The following SLC9A9 variants were observed in gnomAD, a reference collection of about 807,000 sequenced individuals.
The protein encoded by SLC9A9 is solute carrier family 9 member A9.
SLC9A9 carries 62 observed loss-of-function variants against 77.8 expected under a neutral mutation model. That is an observed-to-expected ratio of 0.80 (90% CI 0.65 to 0.98). SLC9A9 has a LOEUF of 0.98. SLC9A9 is among the 50% of genes least tolerant of loss of function. The probability of loss-of-function intolerance (pLI) is 0.00; values close to 1 mark genes in which losing one functional copy is unlikely to be tolerated. For missense variants in SLC9A9, 775 were observed against 774.9 expected (o/e 1.00, Z 0.00); for synonymous variants, 320 against 283.5 (o/e 1.13, Z -1.29).
At chr3:143,582,523 T>C (rs1434409204) in intron 6 of SLC9A9, among the ~76,000 whole-genome samples, 3 of 152,320 alleles carry the variant, frequency 2.0e-5, no homozygotes, top group South Asian at 2.1e-4. Flanking sequence ...GGGGTGTGAC[T>C]GCCCTCAGGG....
chr3:143,355,947 T>G (rs973462625), intron 14 of SLC9A9, among the ~76,000 whole-genome samples: 4 of 152,230 alleles, frequency 2.6e-5, no homozygotes, highest in African/African-American at 7.2e-5. Context: ...TAAAGTGAAG[T>G]TGAAATATGA....
At chr3:143,827,136 G>A (rs939734022) in intron 2 of SLC9A9, among the ~76,000 whole-genome samples, 32 of 152,182 alleles carry the variant, frequency 2.1e-4, no homozygotes, top group African/African-American at 7.7e-4. Flanking sequence ...ATAAAATGCA[G>A]AAATATTTGG....
intron 4 of SLC9A9, among the ~76,000 whole-genome samples, chr3:143,736,493 G>A (rs184354041): frequency 8.7e-4 from 133 of 152,266 alleles, no homozygotes; most frequent in African/African-American, 3.1e-3. Context: ...TTATGCTCTA[G>A]TGAAAGCAGA....
At position 143,676,199 on chromosome 3, in the gene SLC9A9, C is replaced by T. The variant is rs566395111; in HGVS notation, c.649+16993G>A. On this transcript the variant is annotated intron_variant, in intron 5 of 15. Coordinates refer to ENST00000316549, the MANE Select transcript of SLC9A9 (RefSeq NM_173653.4). ...GGTGGTTATGCTGGCTGGCCTGCCA[C>T]TCACCTCCTGCTGTGCAGCTTGGTT... 1.7e-3 allele frequency among the ~76,000 whole-genome samples: 252 copies of T among 152,266 alleles called. 5 individuals carry two copies. The highest frequency in any genetic ancestry group is 1.8e-3 in the Admixed American group (27 of 15,304).
chr3:143,777,556 A>G (rs990354775), intron 4 of SLC9A9, among the ~76,000 whole-genome samples: 1 of 152,196 alleles, frequency 6.6e-6, no homozygotes, highest in Non-Finnish European at 1.5e-5. Flanking sequence ...TAACATAAAA[A>G]TGATTTTCTA....
chr3:143,287,960 G>T (rs1239904816), intron 14 of SLC9A9, among the ~76,000 whole-genome samples: 1 of 152,118 alleles, frequency 6.6e-6, no homozygotes, highest in Non-Finnish European at 1.5e-5. Context: ...GAGAAAAAAA[G>T]TCTTCCTGGA....
At chr3:143,794,932 G>A in intron 4 of SLC9A9, 69 bp downstream of exon 4, 1 of 1,348,380 alleles carries the variant, frequency 7.4e-7, no homozygotes, top group Non-Finnish European at 1.1e-6. Flanking sequence ...AATCCTGGAA[G>A]TGTTAGATCC....
intron 2 of SLC9A9, among the ~76,000 whole-genome samples, chr3:143,809,938 T>C (rs913605847): frequency 6.6e-6 from 1 of 152,224 alleles, no homozygotes; most frequent in Non-Finnish European, 1.5e-5. Context: ...AAATTTATAC[T>C]ATTTCCTTTT....
chr3:143,347,789 G>A (rs2032333121), intron 14 of SLC9A9, among the ~76,000 whole-genome samples: 1 of 152,154 alleles, frequency 6.6e-6, no homozygotes. Context: ...ATAGATCTGT[G>A]AGTGAGCAGC....
At chr3:143,423,273 A>ACACACACACACG (rs1461432686) in intron 12 of SLC9A9, among the ~76,000 whole-genome samples, 1 of 150,898 alleles carries the variant, frequency 6.6e-6, no homozygotes, top group Non-Finnish European at 1.5e-5. Context: ...ACACACACAC[A>ACACACACACACG]CACACACACA....
At chr3:143,625,307 GTC>G (rs1304556189) in intron 6 of SLC9A9, among the ~76,000 whole-genome samples, 2 of 152,182 alleles carry the variant, frequency 1.3e-5, no homozygotes, top group Admixed American at 6.5e-5. Flanking sequence ...GCATTGCCAA[GTC>G]AATCCTAAGC....
intron 4 of SLC9A9, among the ~76,000 whole-genome samples, chr3:143,748,360 T>C (rs1357522724): frequency 6.6e-6 from 1 of 152,116 alleles, no homozygotes; most frequent in Non-Finnish European, 1.5e-5. Context: ...ACCCAGTAAA[T>C]CTGTCAGCCT....
chr3:143,848,126 A>G (rs774755727), intron 1 of SLC9A9, 22 bp downstream of exon 1: 87 of 1,606,282 alleles, frequency 5.4e-5, no homozygotes, highest in Non-Finnish European at 7.1e-5. Context: ...TTTCACATCA[A>G]TCTCACAATT....
intron 15 of SLC9A9, among the ~76,000 whole-genome samples, chr3:143,268,337 C>A (rs1937790308): frequency 6.6e-6 from 1 of 152,164 alleles, no homozygotes; most frequent in South Asian, 2.1e-4. Context: ...TTTCTAAGGT[C>A]ATTTTATGGT....
At chr3:143,711,948 A>G (rs1934207804) in intron 4 of SLC9A9, among the ~76,000 whole-genome samples, 1 of 152,194 alleles carries the variant, frequency 6.6e-6, no homozygotes, top group Non-Finnish European at 1.5e-5. Flanking sequence ...ATTTCTGACA[A>G]TCACCTAGTT....
intron 12 of SLC9A9, among the ~76,000 whole-genome samples, chr3:143,389,652 T>C (rs913344684): frequency 2.0e-5 from 3 of 152,226 alleles, no homozygotes; most frequent in Non-Finnish European, 4.4e-5. Context: ...TACATTGTTA[T>C]CAACTCAAGA....
intron 5 of SLC9A9, among the ~76,000 whole-genome samples, chr3:143,666,085 A>G (rs537351430): frequency 3.3e-5 from 5 of 152,344 alleles, no homozygotes; most frequent in South Asian, 2.1e-4. Flanking sequence ...AAAATCCTCA[A>G]TGAAATACTG....
chr3:143,830,866 T>A (rs1032784786), intron 2 of SLC9A9, among the ~76,000 whole-genome samples: 15 of 152,196 alleles, frequency 9.9e-5, no homozygotes, highest in African/African-American at 3.4e-4. Context: ...AAGTTGCTCC[T>A]CTTTATTTCA....
chr3:143,739,726 G>C (rs1471285946), intron 4 of SLC9A9, among the ~76,000 whole-genome samples: 4 of 152,138 alleles, frequency 2.6e-5, no homozygotes, highest in Non-Finnish European at 5.9e-5. Context: ...CTGTCCTTTT[G>C]TTTCCCTTAA....
Sources: allele counts gnomAD v4.1 joint callset (sites outside exome capture counted in the v4.1 genomes callset), GRCh38; gene constraint gnomAD v4.1.1; transcripts MANE v1.5; gene names NCBI Gene and HGNC (gene_info 2026-07-23, HGNC 2026-07-21).